Variants in TTBK1 observed in about 807,000 individuals in gnomAD.
TTBK1 encodes tau-tubulin kinase 1.
TTBK1 carries 34 observed loss-of-function variants against 108.5 expected under a neutral mutation model. The observed-to-expected ratio is 0.31, with a 90% CI of 0.24 to 0.42. The LOEUF (loss-of-function observed/expected upper bound fraction) is 0.42. Ranked by LOEUF, TTBK1 falls within the 10% of genes least tolerant of loss-of-function variation. The pLI is 1.00. For missense variants in TTBK1, 1,539 were observed against 1,826.0 expected, an observed-to-expected ratio of 0.84 and a Z score of 2.86; for synonymous variants, 809 against 795.1, an observed-to-expected ratio of 1.02 and a Z score of -0.29.
chr6:43,255,037 TC>T lies in TTBK1; in HGVS notation c.577-9del, dbSNP rs754071064. On this transcript the variant is annotated splice_polypyrimidine_tract_variant and intron_variant, in intron 6 of 14. Transcript: ENST00000259750. ...ATGGTGGGTGACGTTCTTGGTGGTCTCCCTTCTGCAGCCTCGGAATGTGGCC... is the reference window on the plus strand; with the variant it reads ...ATGGTGGGTGACGTTCTTGGTGGTCTCCTTCTGCAGCCTCGGAATGTGGCC... The T allele has an allele frequency of 1.9e-6, 3 of 1,612,532 alleles. No individual in the cohort carries two copies. In the Admixed American group the frequency reaches 5.0e-5, roughly 27 times the overall value.
At chr6:43,278,702 G>A (rs1198454475) in intron 13 of TTBK1, among the ~76,000 whole-genome samples, 1 of 152,194 alleles carries the variant, frequency 6.6e-6, no homozygotes, top group African/African-American at 2.4e-5. Flanking sequence ...ATCACTGGCT[G>A]AGTGAATGAA....
intron 13 of TTBK1, among the ~76,000 whole-genome samples, chr6:43,267,248 AT>A (rs1562091948): frequency 6.6e-6 from 1 of 151,896 alleles, no homozygotes; most frequent in East Asian, 1.9e-4. Flanking sequence ...GGACTGGCCT[AT>A]TTTTTTCTTC....
At position 43,253,589 on chromosome 6, in the gene TTBK1, C is replaced by T; in HGVS notation, c.352C>T (p.Arg118Cys). 1.9e-6 allele frequency: 3 copies of T among 1,610,986 alleles called. No individual in the cohort carries two copies. The highest frequency in any genetic ancestry group is 1.7e-6 in the Non-Finnish European group (2 of 1,178,922). ...QLQGRNLADLRRSQPRGTFTL... is the reference protein window; with the variant it reads ...QLQGRNLADLCRSQPRGTFTL... ...GCAGGGCCGGAACCTGGCCGACCTG[C>T]GCCGTAGCCAGCCGCGAGGCACCTT... The change falls in exon 5 of 15, where the codon CGC becomes TGC. Residue 118 changes from arginine to cysteine, a missense_variant. Physicochemically the swap from Arg to Cys is radical, Grantham distance 180 (BLOSUM62 -3). This residue lies in a region of TTBK1 where 155 missense variants were observed against 348.5 expected (regional missense o/e 0.44). Transcript: ENST00000259750. The surrounding 1 kb of genome is among the most constrained non-coding windows in gnomAD (Gnocchi z 5.8).
At chr6:43,268,441 C>G (rs1196930693) in intron 13 of TTBK1, among the ~76,000 whole-genome samples, 1 of 152,218 alleles carries the variant, frequency 6.6e-6, no homozygotes, top group Non-Finnish European at 1.5e-5. Context: ...CTGCTGGAGG[C>G]TCCATGCCAA....
At chr6:43,274,411 T>A (rs1777910240) in intron 13 of TTBK1, among the ~76,000 whole-genome samples, 1 of 151,988 alleles carries the variant, frequency 6.6e-6, no homozygotes, top group South Asian at 2.1e-4. Context: ...CAGGCAGTGG[T>A]CGGGGGAGCC....
intron 5 of TTBK1, among the ~76,000 whole-genome samples, chr6:43,254,040 G>C (rs1777320216): frequency 6.6e-6 from 1 of 152,214 alleles, no homozygotes. Flanking sequence ...CGAGGGAAGG[G>C]GACTGAGGGG....
In TTBK1 at chr6:43,287,085, T is replaced by C. The variant is rs41275946; in HGVS notation, c.*1709T>C. The C allele has an allele frequency of 9.9e-4, 151 of 152,762 alleles. No homozygotes were observed. Among genetic ancestry groups the C allele is most frequent in the Non-Finnish European group, 1.7e-3 (116 of 68,048 alleles). The allele number at this position is 152,762 out of a possible 1,614,324, so 9.5% of individuals were successfully genotyped here. On this transcript the variant is annotated 3_prime_UTR_variant, in exon 15 of 15. Coordinates refer to ENST00000259750, the MANE Select transcript of TTBK1 (RefSeq NM_032538.3). This position sits in a 1 kb window ranked among gnomAD's most constrained non-coding sequence, Gnocchi z 4.1. ...TTCCAGGCCAGGGTGGTGGCTTCTC[T>C]GCAGACCAGCTGAGGGGAGGACTCC...
Position 43,270,950 on chromosome 6 carries a change from G to T in TTBK1, c.1986+7600G>T, listed in dbSNP as rs188118826. On this transcript the variant is annotated intron_variant, in intron 13 of 14. Coordinates refer to ENST00000259750, the MANE Select transcript of TTBK1 (RefSeq NM_032538.3). Reference sequence around the variant, plus strand: ...GTGCTCGGTCAGCCCCAAGGGCGGTGGTGAAGACACAGCAGAAGAGAGGCA... The same window carrying T: ...GTGCTCGGTCAGCCCCAAGGGCGGTTGTGAAGACACAGCAGAAGAGAGGCA... 2.8e-5 allele frequency: 28 copies of T among 985,520 alleles called. No homozygotes were observed. The East Asian group carries it at 2.9e-3, about 104-fold the overall frequency. The allele number at this position is 985,520 out of a possible 1,614,324, so 61.0% of individuals were successfully genotyped here. A position where few individuals can be genotyped will look rare whatever the true frequency, so the allele number is the denominator to read the frequency against.
Position 43,253,436 on chromosome 6 carries a change from A to C in TTBK1, c.330+72A>C, listed in dbSNP as rs1189386553. On this transcript the variant is annotated intron_variant, in intron 4 of 14. Transcript: ENST00000259750. The surrounding 1 kb of genome is among the most constrained non-coding windows in gnomAD (Gnocchi z 5.8). ...CTGTGACTCCAGGGTAGGGGAAGGG[A>C]AGGTAGACTGTGGCCCTGGGAAAGG... 3 of 1,603,760 alleles carry C rather than the reference A, an allele frequency of 1.9e-6. No homozygotes were observed. In the African/African-American group the frequency reaches 4.0e-5, roughly 22 times the overall value.
chr6:43,272,140 G>A, intron 13 of TTBK1: 2 of 985,448 alleles, frequency 2.0e-6, no homozygotes, highest in Non-Finnish European at 2.4e-6. Context: ...GTGGCAGGAG[G>A]TGAAGTGAAG....
At position 43,286,735 on chromosome 6, in the gene TTBK1, T is replaced by G. The variant is rs1279650632; in HGVS notation, c.*1359T>G. On this transcript the variant is annotated 3_prime_UTR_variant, in exon 15 of 15. Coordinates refer to ENST00000259750, the MANE Select transcript of TTBK1 (RefSeq NM_032538.3). This position sits in a 1 kb window ranked among gnomAD's most constrained non-coding sequence, Gnocchi z 4.6. ...ATGGATGTGGGGACTCTTCCTGGGT[T>G]CTGGCTCCTGCATAGCTCACCCCAC... The G allele has an allele frequency of 6.6e-6, 1 of 152,536 alleles. No individual in the cohort carries two copies. Among genetic ancestry groups the G allele is most frequent in the Non-Finnish European group, 1.5e-5 (1 of 68,254 alleles). The allele number at this position is 152,536 out of a possible 1,614,324, so 9.4% of individuals were successfully genotyped here. A position where few individuals can be genotyped will look rare whatever the true frequency, so the allele number is the denominator to read the frequency against.
Position 43,269,607 on chromosome 6 carries a change from C to A in TTBK1, c.1986+6257C>A. 3.8e-6 allele frequency: 6 copies of A among 1,585,902 alleles called. No individual in the cohort carries two copies. The highest frequency in any genetic ancestry group is 5.2e-6 in the Non-Finnish European group (6 of 1,162,840). ...ACGGAGCTGTCGAGTCTGTGCCTGA[C>A]ACCTCTTTTCCCTCCACTTTCTTGG... On this transcript the variant is annotated intron_variant, in intron 13 of 14. Coordinates refer to ENST00000259750, the MANE Select transcript of TTBK1 (RefSeq NM_032538.3). The surrounding 1 kb of genome is among the most constrained non-coding windows in gnomAD (Gnocchi z 4.8).
At position 43,259,599 on chromosome 6, in the gene TTBK1, A is replaced by C. The variant is rs1407402125; in HGVS notation, c.1317A>C (p.Pro439=). Residue 439 remains proline (P), a synonymous_variant, in exon 12 of 15, where the codon CCA becomes CCC. Transcript: ENST00000259750. This position sits in a 1 kb window ranked among gnomAD's most constrained non-coding sequence, Gnocchi z 6.7. ...CCAGCTCCCCAGTGCGTGCCCCCCC[A>C]GACTCCCCCACAACCCCAGTCCGTT... The part of the protein sequence containing the change: ...GVPSSPVRAP[P]DSPTTPVRSL... 2.9e-5 allele frequency: 47 copies of C among 1,610,978 alleles called. No individual in the cohort carries two copies. The highest frequency in any genetic ancestry group is 3.6e-5 in the Non-Finnish European group (42 of 1,178,860).
chr6:43,285,307 A>T lies in TTBK1; in HGVS notation c.3897A>T (p.Lys1299Asn). ...PGGSKKGPRG[K>N]LQAQRATTKG... Reference sequence around the variant, plus strand: ...GCTCCAAGAAAGGACCCAGAGGGAAACTCCAGGCTCAGCGCGCAACAACCA... The same window carrying T: ...GCTCCAAGAAAGGACCCAGAGGGAATCTCCAGGCTCAGCGCGCAACAACCA... Residue 1299 changes from lysine (K) to asparagine (N), a missense_variant, in exon 15 of 15, where the codon AAA becomes AAT. Physicochemically the swap from Lys to Asn is moderately conservative, Grantham distance 94 (BLOSUM62 0). Around this residue, in one of 5 missense-constraint regions of TTBK1, gnomAD observed 1,055 missense variants for 1,086.5 expected, o/e 0.97. Coordinates refer to ENST00000259750, the MANE Select transcript of TTBK1 (RefSeq NM_032538.3). The surrounding 1 kb of genome is among the most constrained non-coding windows in gnomAD (Gnocchi z 4.7). 7.7e-7 allele frequency: 1 copy of T among 1,291,464 alleles called. No homozygotes were observed. Among genetic ancestry groups the T allele is most frequent in the Non-Finnish European group, 9.8e-7 (1 of 1,024,062 alleles). The allele number at this position is 1,291,464 out of a possible 1,614,324, so 80.0% of individuals were successfully genotyped here. A position where few individuals can be genotyped will look rare whatever the true frequency, so the allele number is the denominator to read the frequency against.
chr6:43,268,740 C>T (rs1168656351), intron 13 of TTBK1, among the ~76,000 whole-genome samples: 1 of 152,206 alleles, frequency 6.6e-6, no homozygotes, highest in Non-Finnish European at 1.5e-5. Flanking sequence ...CTGCCCAGCC[C>T]TGTACACAAG....
intron 1 of TTBK1, among the ~76,000 whole-genome samples, chr6:43,245,688 A>G (rs1236379630): frequency 2.0e-5 from 3 of 152,078 alleles, no homozygotes; most frequent in Admixed American, 2.0e-4. Context: ...ACTCTCCCTG[A>G]TATCTAAATT....
intron 9 of TTBK1, among the ~76,000 whole-genome samples, chr6:43,256,952 G>A (rs904993623): frequency 6.6e-6 from 1 of 152,092 alleles, no homozygotes; most frequent in Non-Finnish European, 1.5e-5. Flanking sequence ...ACACCCCATG[G>A]GACCCACTGA....
chr6:43,258,915 G>T, intron 10 of TTBK1, 123 bp from the exon 11 acceptor site: 1 of 665,272 alleles, frequency 1.5e-6, no homozygotes, highest in Middle Eastern at 4.2e-4. Context: ...TCTCACCCCT[G>T]ACGGGACTGC....
At position 43,243,661 on chromosome 6, in the gene TTBK1, G is replaced by A; in HGVS notation, c.-102G>A. The A allele has an allele frequency of 6.5e-6, 1 of 153,200 alleles. No homozygotes were observed. The highest frequency in any genetic ancestry group is 1.5e-5 in the Non-Finnish European group (1 of 68,794). The allele number at this position is 153,200 out of a possible 1,614,324, so 9.5% of individuals were successfully genotyped here. On this transcript the variant is annotated 5_prime_UTR_variant, in exon 1 of 15. Coordinates refer to ENST00000259750, the MANE Select transcript of TTBK1 (RefSeq NM_032538.3). This position sits in a 1 kb window ranked among gnomAD's most constrained non-coding sequence, Gnocchi z 5.5. ...CCCGGGGGATGCGCCGCCCCGAGCT[G>A]CTGCCTCCGCCGCCGCCGCAGCCGC...
Sources: allele counts gnomAD v4.1 joint callset (sites outside exome capture counted in the v4.1 genomes callset), GRCh38; gene constraint gnomAD v4.1.1; regional missense constraint gnomAD v4.1.1; non-coding constraint Gnocchi (gnomAD v3.1); transcripts MANE v1.5; gene names NCBI Gene and HGNC (gene_info 2026-07-23, HGNC 2026-07-21).